ZNF394: variants seen among roughly 807,000 people sequenced by gnomAD.
ZNF394 encodes zinc finger protein 99.
Under a neutral mutation model 21.8 loss-of-function variants are expected in ZNF394, and 19 were observed. That is an observed-to-expected ratio of 0.87 (90% CI 0.61 to 1.28). The LOEUF (loss-of-function observed/expected upper bound fraction) is 1.28. Ranked by LOEUF, ZNF394 falls within the 50% of genes most tolerant of loss-of-function variation. The pLI is 0.00. For synonymous variants in ZNF394, 294 were observed against 273.3 expected (o/e 1.08, Z -0.75); for missense variants, 683 against 708.6 (o/e 0.96, Z 0.41).
In ZNF394 at chr7:99,494,291, A is replaced by T; in HGVS notation, c.924T>A (p.Thr308=). The T allele has an allele frequency of 6.2e-7, 1 of 1,614,234 alleles. No individual in the cohort carries two copies. The highest frequency in any genetic ancestry group is 8.5e-7 in the Non-Finnish European group (1 of 1,180,040). ...CQHIPKAERP[T]DSEEHGNKCK... is the part of the protein sequence containing the mutation. ...ACTTGTTCCCGTGTTCCTCACTGTC[A>T]GTGGGCCTCTCTGCTTTCGGGATGT... Residue 308 remains threonine (T), a synonymous_variant, in exon 3 of 3, where the codon ACT becomes ACA. Coordinates refer to ENST00000337673, the MANE Select transcript of ZNF394 (RefSeq NM_032164.4).
Position 99,499,718 on chromosome 7 carries a change from C to T in ZNF394, c.376G>A (p.Glu126Lys). The T allele has an allele frequency of 1.2e-6, 2 of 1,613,906 alleles. No individual in the cohort carries two copies. Among genetic ancestry groups the T allele is most frequent in the South Asian group, 2.2e-5 (2 of 91,088 alleles). The change falls in exon 1 of 3, where the codon GAG becomes AAG. Residue 126 changes from glutamate (E) to lysine (K), a missense_variant. By Grantham distance (56) the Glu-to-Lys change is moderately conservative. Around this residue, in one of 3 missense-constraint regions of ZNF394, gnomAD observed 402 missense variants for 373.8 expected, o/e 1.08. Coordinates refer to ENST00000337673, the MANE Select transcript of ZNF394 (RefSeq NM_032164.4). ...LPEELQAWVR[E>K]HCPESGEEAV... ...TCCTCCCCGCTCTCTGGGCAGTGCTCTCGCACCCAGGCTTGAAGCTCCTCG... is the reference window on the plus strand; with the variant it reads ...TCCTCCCCGCTCTCTGGGCAGTGCTTTCGCACCCAGGCTTGAAGCTCCTCG...
chr7:99,499,670 G>C lies in ZNF394; in HGVS notation c.424C>G (p.Leu142Val). 1 of 1,608,094 alleles carries C rather than the reference G, an allele frequency of 6.2e-7. No individual in the cohort carries two copies. Among genetic ancestry groups the C allele is most frequent in the East Asian group, 2.2e-5 (1 of 44,866 alleles). The change falls in exon 1 of 3, where the codon CTG becomes GTG. Residue 142 changes from leucine (L) to valine (V), a missense_variant. Physicochemically the swap from Leu to Val is conservative, Grantham distance 32 (BLOSUM62 1). Coordinates refer to ENST00000337673, the MANE Select transcript of ZNF394 (RefSeq NM_032164.4). Reference sequence around the variant, plus strand: ...GAGGTTCCATCGAGCGCTCGCTGCAGAGCCCGCACCACGGCCACCGCCTCC... The same window carrying C: ...GAGGTTCCATCGAGCGCTCGCTGCACAGCCCGCACCACGGCCACCGCCTCC... ...GEEAVAVVRA[L>V]QRALDGTSSQ... is the part of the protein sequence containing the mutation.
At chr7:99,487,402 C>A (rs774761401) in intron 1 of ZNF394, 39 of 1,614,074 alleles carry the variant, frequency 2.4e-5, no homozygotes, top group Non-Finnish European at 3.2e-5. Flanking sequence ...CCAACCCTAC[C>A]AATGTGTCAT....
chr7:99,492,139 GGAAA>G (rs906182696), downstream of ZNF394, among the ~76,000 whole-genome samples: 20 of 151,752 alleles, frequency 1.3e-4, no homozygotes, highest in Non-Finnish European at 2.8e-4. Context: ...TCCTAGAATG[GGAAA>G]GAAAGAGGGA....
chr7:99,494,638 C>A lies in ZNF394; in HGVS notation c.584-7G>T. Reference sequence around the variant, plus strand: ...TCCACTCTGCTTTCCAAACCTGAAACGTGAAAATACAAATTCCTGCCAGTG... The same window carrying A: ...TCCACTCTGCTTTCCAAACCTGAAAAGTGAAAATACAAATTCCTGCCAGTG... On this transcript the variant is annotated splice_polypyrimidine_tract_variant and splice_region_variant and intron_variant, in intron 2 of 2. Transcript: ENST00000337673. The A allele has an allele frequency of 6.4e-7, 1 of 1,562,932 alleles. No individual in the cohort carries two copies. Among genetic ancestry groups the A allele is most frequent in the Non-Finnish European group, 8.6e-7 (1 of 1,158,042 alleles).
At position 99,494,508 on chromosome 7, in the gene ZNF394, C is replaced by A. The variant is rs2151081333; in HGVS notation, c.707G>T (p.Gly236Val). 2.5e-6 allele frequency: 4 copies of A among 1,613,716 alleles called. No individual in the cohort carries two copies. The highest frequency in any genetic ancestry group is 3.4e-6 in the Non-Finnish European group (4 of 1,180,034). The change falls in exon 3 of 3, where the codon GGC (glycine) becomes GTC (valine). Residue 236 changes from glycine (G) to valine (V), a missense_variant. Transcript: ENST00000337673. ...QGKRPLFSKCGSTHEDRVEKQ... is the reference protein window; with the variant it reads ...QGKRPLFSKCVSTHEDRVEKQ... ...TTCCACCCTGTCCTCATGGGTACTG[C>A]CACACTTAGAAAACAGGGGGCGCTT...
Position 99,498,713 on chromosome 7 carries a change from C to A in ZNF394, c.583+3G>T. On this transcript the variant is annotated splice_donor_region_variant and intron_variant, in intron 2 of 2. Coordinates refer to ENST00000337673, the MANE Select transcript of ZNF394 (RefSeq NM_032164.4). ...AATAAACCAGCAGAGCAACAGCACT[C>A]ACTCGGCGGAACTGTGCTCCCGGAA... is the stretch of plus-strand genomic sequence containing the variant. 6.2e-7 allele frequency: 1 copy of A among 1,613,970 alleles called. No homozygotes were observed. The highest frequency in any genetic ancestry group is 1.1e-5 in the South Asian group (1 of 91,068).
At chr7:99,490,976 G>A (rs1197225318), downstream of ZNF394, among the ~76,000 whole-genome samples, 1 of 152,064 alleles carries the variant, frequency 6.6e-6, no homozygotes, top group African/African-American at 2.4e-5. Context: ...CTAGACCCGG[G>A]GCTCTGCCCT....
Position 99,487,123 on chromosome 7 carries a change from G to A in ZNF394, n.84-160C>T, listed in dbSNP as rs144291222. 286 of 1,614,192 alleles carry A rather than the reference G, an allele frequency of 1.8e-4. No individual in the cohort carries two copies. In the African/African-American group the frequency reaches 3.5e-3, roughly 20 times the overall value. On this transcript the variant is annotated intron_variant and non_coding_transcript_variant, in intron 1 of 1. Coordinates refer to the ZNF394 transcript ENST00000462024. ...GAATTCAACCCTTATTCGACATCAG[G>A]TGATCCATAGTGGAGAAAAACGCCA...
Position 99,493,566 on chromosome 7 carries a change from T to G in ZNF394, c.1649A>C (p.Lys550Thr), listed in dbSNP as rs1197293619. 1.2e-6 allele frequency: 2 copies of G among 1,613,292 alleles called. No homozygotes were observed. Among genetic ancestry groups the G allele is most frequent in the Admixed American group, 1.7e-5 (1 of 59,898 alleles). The change falls in exon 3 of 3, where the codon AAA (lysine) becomes ACA (threonine). Residue 550 changes from lysine to threonine, a missense_variant. By Grantham distance (78) the Lys-to-Thr change is moderately conservative. Transcript: ENST00000337673. ...GCCACCACGCCCAGCCGACAGCACT[T>G]TATTTTGATGAATTCTTTGGTGTCG... Reference protein sequence around the residue: ...LIRHQRIHQNKVLSAGRGGSR... With the variant: ...LIRHQRIHQNTVLSAGRGGSR...
chr7:99,491,998 G>A (rs529121834), downstream of ZNF394, among the ~76,000 whole-genome samples: 3 of 150,890 alleles, frequency 2.0e-5, no homozygotes, highest in Non-Finnish European at 3.0e-5. Context: ...GCATGAACCC[G>A]GGAGGTGGAG....
downstream of ZNF394, among the ~76,000 whole-genome samples, chr7:99,492,075 G>GAA (rs397948314): frequency 4.2e-4 from 20 of 47,706 alleles, no homozygotes; most frequent in Admixed American, 8.9e-4. Context: ...TCCGTCTCAA[G>GAA]AAAAAAAAAA....
chr7:99,500,006 G>A lies in ZNF394; in HGVS notation c.88C>T (p.Pro30Ser), dbSNP rs772938523. Residue 30 changes from proline to serine, a missense_variant, in exon 1 of 3, where the codon CCG becomes TCG. Transcript: ENST00000337673. Reference protein sequence around the residue: ...VMAARSKDAAPSQRDGLLPVK... With the variant: ...VMAARSKDAASSQRDGLLPVK... ...GGCAAAAGTCCGTCGCGTTGGGACG[G>A]CGCCGCGTCCTTGGACCTCGCAGCC... 1.2e-6 allele frequency: 2 copies of A among 1,610,254 alleles called. No individual in the cohort carries two copies. Among genetic ancestry groups the A allele is most frequent in the South Asian group, 1.1e-5 (1 of 90,986 alleles).
In ZNF394 at chr7:99,499,743, GGGCAGGA is replaced by G. The variant is rs1562895969; in HGVS notation, c.344_350del (p.Ile115ThrfsTer39). The stretch of plus-strand genomic sequence containing the variant: ...CTCGCACCCAGGCTTGAAGCTCCTC[GGGCAGGA>G]TGGTGAGGAACTGCTCCAGCACCAG... On this transcript the variant is annotated frameshift_variant, in exon 1 of 3. Coordinates refer to ENST00000337673, the MANE Select transcript of ZNF394 (RefSeq NM_032164.4). LOFTEE classifies it high-confidence loss of function. 1.2e-6 allele frequency: 2 copies of G among 1,614,080 alleles called. No homozygotes were observed. The highest frequency in any genetic ancestry group is 2.2e-5 in the South Asian group (2 of 91,090).
intron 1 of ZNF394, chr7:99,487,265 G>A: frequency 6.2e-7 from 1 of 1,614,204 alleles, no homozygotes; most frequent in Non-Finnish European, 8.5e-7. Context: ...TCCTTTGGTA[G>A]GAATGTGGAT....
chr7:99,494,356 G>T lies in ZNF394; in HGVS notation c.859C>A (p.Gln287Lys), dbSNP rs747171064. 1.7e-5 allele frequency: 27 copies of T among 1,614,086 alleles called. No individual in the cohort carries two copies. The African/African-American group carries it at 3.6e-4, about 22-fold the overall frequency. The change falls in exon 3 of 3, where the codon CAG becomes AAG. Residue 287 changes from glutamine to lysine, a missense_variant. Physicochemically the swap from Gln to Lys is moderately conservative, Grantham distance 53 (BLOSUM62 1). Coordinates refer to ENST00000337673, the MANE Select transcript of ZNF394 (RefSeq NM_032164.4). ...AGGTTGGAACACCTGGCACTGTTCT[G>T]CAATTCATTATTTTTAGAGTCTTCC... ...EGEDSKNNELQNSARCSNLVL... is the reference protein window; with the variant it reads ...EGEDSKNNELKNSARCSNLVL...
downstream of ZNF394, among the ~76,000 whole-genome samples, chr7:99,491,140 A>G (rs1347692653): frequency 6.6e-6 from 1 of 152,174 alleles, no homozygotes; most frequent in East Asian, 1.9e-4. Context: ...AGCTGAGCAG[A>G]CACTCTCTTC....
intron 2 of ZNF394, 132 bp from the exon 3 acceptor site, chr7:99,494,763 T>C (rs1800253955): frequency 2.9e-6 from 4 of 1,378,018 alleles, no homozygotes; most frequent in South Asian, 3.5e-5. Context: ...TGAGACGGTG[T>C]CTTGCTTTGT....
Position 99,488,082 on chromosome 7 carries a change from A to C in ZNF394, n.84-1119T>G, listed in dbSNP as rs561777825. On this transcript the variant is annotated intron_variant and non_coding_transcript_variant, in intron 1 of 1. Transcript: ENST00000462024. ...GCGAGACTCCGTCTCAAAAAAAAAAAAAAAAAAAAAACAGAGAAAAGGTTA... is the reference window on the plus strand; with the variant it reads ...GCGAGACTCCGTCTCAAAAAAAAAACAAAAAAAAAAACAGAGAAAAGGTTA... 6.6e-5 allele frequency among the ~76,000 whole-genome samples: 10 copies of C among 151,560 alleles called. No individual in the cohort carries two copies. The East Asian group carries it at 1.7e-3, about 26-fold the overall frequency.
Sources: gnomAD v4.1 joint callset for allele counts (sites outside exome capture counted in the v4.1 genomes callset) on GRCh38, gnomAD v4.1.1 for gene constraint, gnomAD v4.1.1 regional missense constraint, MANE v1.5 for transcripts, NCBI Gene and HGNC (gene_info 2026-07-23, HGNC 2026-07-21) for gene names.